COL14A1: variants seen among roughly 807,000 people sequenced by gnomAD.
The protein encoded by COL14A1 is collagen type XIV alpha 1 chain, also known as collagen alpha-1(XIV) chain.
COL14A1 carries 136 observed loss-of-function variants against 230.3 expected under a neutral mutation model. The ratio of observed to expected loss-of-function variants is 0.59; its 90% confidence interval spans 0.51 to 0.68. COL14A1 has a LOEUF of 0.68. Among genes scored for constraint, COL14A1 ranks in the 30% least tolerant of loss-of-function variants. The probability of loss-of-function intolerance (pLI) is 0.00; values close to 1 mark genes in which losing one functional copy is unlikely to be tolerated. For missense variants in COL14A1, 1,976 were observed against 2,215.8 expected (o/e 0.89, Z 2.17); for synonymous variants, 792 against 784.1 (o/e 1.01, Z -0.17).
rs1456320689 is a variant in COL14A1 at position 120,289,740 on chromosome 8, A to G, written c.4210A>G (p.Arg1404Gly). The G allele has an allele frequency of 6.2e-7, 1 of 1,613,776 alleles. No individual in the cohort carries two copies. Among genetic ancestry groups the G allele is most frequent in the East Asian group, 2.2e-5 (1 of 44,864 alleles). ...VEVLGKMVRS[R>G]GPGGNSAPFQ... Reference sequence around the variant, plus strand: ...AGTGCTAGGGAAAATGGTTCGATCAAGAGGACCAGGTGGAAACTCTGCACC... The same window carrying G: ...AGTGCTAGGGAAAATGGTTCGATCAGGAGGACCAGGTGGAAACTCTGCACC... The change falls in exon 34 of 48, where the codon AGA becomes GGA. Residue 1404 changes from arginine to glycine, a missense_variant. Transcript: ENST00000297848.
chr8:120,319,380 G>T (rs947452233), intron 40 of COL14A1, among the ~76,000 whole-genome samples: 1 of 151,540 alleles, frequency 6.6e-6, no homozygotes, highest in African/African-American at 2.4e-5. Context: ...TTGCTGTGTT[G>T]CCCAGGGTGG....
intron 4 of COL14A1, among the ~76,000 whole-genome samples, chr8:120,167,583 C>A (rs1586732760): frequency 1.3e-5 from 2 of 152,038 alleles, no homozygotes; most frequent in African/African-American, 4.8e-5. Context: ...ATTTTTTGGT[C>A]CTTGAACATT....
chr8:120,131,454 A>G (rs2130381176), intron 1 of COL14A1, among the ~76,000 whole-genome samples: 1 of 150,942 alleles, frequency 6.6e-6, no homozygotes, highest in South Asian at 2.1e-4. Flanking sequence ...CATCTTTCTG[A>G]TGATTAGCAA....
chr8:120,354,645 T>G (rs1175560386), intron 45 of COL14A1, among the ~76,000 whole-genome samples: 98 of 152,270 alleles, frequency 6.4e-4, no homozygotes, highest in Non-Finnish European at 4.4e-5. Flanking sequence ...CTTAAAGTCT[T>G]TTTCGTAAGT....
rs1166470477 is a variant in COL14A1 at position 120,262,938 on chromosome 8, T to C, written c.2940T>C (p.Asp980=). ...TRHCFYGLQP[D]SEYKISVYTK... ...ATTGCTTCTATGGACTTCAGCCTGA[T>C]TCTGAATATAAAATCAGTGTTTATA... The change falls in exon 24 of 48, where the codon GAT becomes GAC. Residue 980 remains aspartate (D), a synonymous_variant. Coordinates refer to ENST00000297848, the MANE Select transcript of COL14A1 (RefSeq NM_021110.4). 6.2e-7 allele frequency: 1 copy of C among 1,613,798 alleles called. No homozygotes were observed. Among genetic ancestry groups the C allele is most frequent in the East Asian group, 2.2e-5 (1 of 44,854 alleles).
chr8:120,337,706 G>A (rs1274790499), intron 42 of COL14A1, among the ~76,000 whole-genome samples: 2 of 152,138 alleles, frequency 1.3e-5, no homozygotes, highest in East Asian at 3.8e-4. Context: ...AAAGGAAAGT[G>A]TGCCACTTTT....
chr8:120,360,748 G>A (rs1315307185), intron 45 of COL14A1, among the ~76,000 whole-genome samples: 1 of 152,166 alleles, frequency 6.6e-6, no homozygotes, highest in African/African-American at 2.4e-5. Context: ...ATGCAGGAGG[G>A]GTGCTTTTGA....
intron 5 of COL14A1, among the ~76,000 whole-genome samples, chr8:120,192,276 A>G (rs1202135590): frequency 6.6e-6 from 1 of 152,130 alleles, no homozygotes; most frequent in African/African-American, 2.4e-5. Context: ...GCTTGTCTTT[A>G]AAGTATTTTA....
chr8:120,315,823 C>G (rs1465867567), intron 39 of COL14A1, 121 bp from the exon 40 acceptor site: 1 of 1,039,854 alleles, frequency 9.6e-7, no homozygotes, highest in Non-Finnish European at 1.4e-6. Context: ...TTCTAGGTTA[C>G]AAAGGGTTCA....
rs1293971702 is a variant in COL14A1 at position 120,216,422 on chromosome 8, C to G, written c.1669C>G (p.Pro557Ala). 1 of 1,613,482 alleles carries G rather than the reference C, an allele frequency of 6.2e-7. No homozygotes were observed. The highest frequency in any genetic ancestry group is 1.1e-5 in the South Asian group (1 of 91,034). The change falls in exon 14 of 48, where the codon CCA becomes GCA. Residue 557 changes from proline (P) to alanine (A), a missense_variant. Physicochemically the swap from Pro to Ala is conservative, Grantham distance 27. Coordinates refer to ENST00000297848, the MANE Select transcript of COL14A1 (RefSeq NM_021110.4). ...TAACAGTGCTCGATTAACCTGGGACCCAACTTCAAGACAGATCAATGGTTA... is the reference window on the plus strand; with the variant it reads ...TAACAGTGCTCGATTAACCTGGGACGCAACTTCAAGACAGATCAATGGTTA... ...GSNSARLTWD[P>A]TSRQINGYRI...
chr8:120,219,898 G>A (rs1340260930), intron 14 of COL14A1, among the ~76,000 whole-genome samples: 1 of 151,996 alleles, frequency 6.6e-6, no homozygotes, highest in Non-Finnish European at 1.5e-5. Context: ...GAGAAAATGG[G>A]CTATGAATGA....
intron 5 of COL14A1, among the ~76,000 whole-genome samples, chr8:120,195,403 C>T (rs1308501484): frequency 3.3e-5 from 5 of 152,128 alleles, no homozygotes; most frequent in African/African-American, 1.2e-4. Context: ...GCCACACACA[C>T]TTAATGATCT....
intron 19 of COL14A1, among the ~76,000 whole-genome samples, chr8:120,233,626 G>A (rs1479516564): frequency 6.6e-6 from 1 of 152,120 alleles, no homozygotes; most frequent in African/African-American, 2.4e-5. Context: ...ATAGATGGTT[G>A]CAGATGTGTG....
At chr8:120,142,467 C>T (rs953330880) in intron 1 of COL14A1, among the ~76,000 whole-genome samples, 1 of 152,162 alleles carries the variant, frequency 6.6e-6, no homozygotes, top group Non-Finnish European at 1.5e-5. Context: ...TTTTACTAAC[C>T]ATTTTCCCAA....
chr8:120,304,282 T>A (rs574313796), intron 36 of COL14A1, among the ~76,000 whole-genome samples: 4 of 152,278 alleles, frequency 2.6e-5, no homozygotes, highest in African/African-American at 4.8e-5. Context: ...TGTCTTCTGC[T>A]AGTTTTGGGG....
At chr8:120,221,072 T>C (rs1214941592) in intron 14 of COL14A1, among the ~76,000 whole-genome samples, 3 of 152,190 alleles carry the variant, frequency 2.0e-5, no homozygotes, top group African/African-American at 7.2e-5. Flanking sequence ...ATTTTGGAAG[T>C]ACACAAACAT....
intron 22 of COL14A1, among the ~76,000 whole-genome samples, chr8:120,253,890 C>A (rs952383877): frequency 6.6e-6 from 1 of 152,204 alleles, no homozygotes; most frequent in Non-Finnish European, 1.5e-5. Context: ...TGCCACTGCA[C>A]TCCAGCCAGG....
At chr8:120,246,081 T>C (rs867925461) in intron 20 of COL14A1, among the ~76,000 whole-genome samples, 1 of 152,342 alleles carries the variant, frequency 6.6e-6, no homozygotes, top group East Asian at 1.9e-4. Flanking sequence ...GGCTGAATTA[T>C]GTACCTGGGC....
In COL14A1 at chr8:120,278,140, C is replaced by T. The variant is rs138025290; in HGVS notation, c.3243C>T (p.Pro1081=). The change falls in exon 27 of 48, where the codon CCC becomes CCT. Residue 1081 remains proline, a synonymous_variant. Transcript: ENST00000297848. ...QVAMVQFTDD[P]RTEFKLNAYK... is the part of the protein sequence containing the mutation. ...CAATGGTTCAGTTCACTGATGATCC[C>T]AGAACAGAATTTAAACTAAATGCTT... The T allele has an allele frequency of 6.2e-7, 1 of 1,611,076 alleles. No individual in the cohort carries two copies.
Sources: gnomAD v4.1 joint callset for allele counts (sites outside exome capture counted in the v4.1 genomes callset) on GRCh38, gnomAD v4.1.1 for gene constraint, MANE v1.5 for transcripts, NCBI Gene and HGNC (gene_info 2026-07-23, HGNC 2026-07-21) for gene names.